The following USP5 variants were observed in gnomAD, a reference collection of about 807,000 sequenced individuals.
USP5 encodes the protein ubiquitin specific peptidase 5, also known as ubiquitin carboxyl-terminal hydrolase 5.
In USP5, 24 loss-of-function variants were observed where a neutral mutation model predicts 102.5. The observed-to-expected ratio is 0.23, with a 90% CI of 0.17 to 0.33. USP5 has a LOEUF of 0.33. USP5 is among the 10% of genes least tolerant of loss of function. The pLI is 1.00. For synonymous variants in USP5, 460 were observed against 434.8 expected (o/e 1.06, Z -0.72); for missense variants, 753 against 1,122.1 (o/e 0.67, Z 4.70).
chr12:6,864,617 A>G lies in USP5; in HGVS notation c.2245-105A>G. 7.7e-7 allele frequency: 1 copy of G among 1,295,126 alleles called. No individual in the cohort carries two copies. Among genetic ancestry groups the G allele is most frequent in the East Asian group, 2.4e-5 (1 of 41,210 alleles). The allele number at this position is 1,295,126 out of a possible 1,614,324, so 80.2% of individuals were successfully genotyped here. A position where few individuals can be genotyped will look rare whatever the true frequency, so the allele number is the denominator to read the frequency against. ...GGCAGGAGAAAGGCGTGAACCCGGG[A>G]GGCGGAGCTTGCAGTGAGCCGAGAT... On this transcript the variant is annotated intron_variant, in intron 17 of 19. Transcript: ENST00000229268. The surrounding 1 kb of genome is among the most constrained non-coding windows in gnomAD (Gnocchi z 4.8).
Position 6,864,332 on chromosome 12 carries a change from G to A in USP5, c.2244+137G>A. The A allele has an allele frequency of 4.7e-6, 6 of 1,277,268 alleles. No individual in the cohort carries two copies. Among genetic ancestry groups the A allele is most frequent in the South Asian group, 3.2e-5 (2 of 62,194 alleles). The allele number at this position is 1,277,268 out of a possible 1,614,324, so 79.1% of individuals were successfully genotyped here. On this transcript the variant is annotated intron_variant, in intron 17 of 19. Coordinates refer to ENST00000229268, the MANE Select transcript of USP5 (RefSeq NM_001098536.2). The surrounding 1 kb of genome is among the most constrained non-coding windows in gnomAD (Gnocchi z 4.8). The stretch of plus-strand genomic sequence containing the variant: ...TTGGGCACCACTCTTTTGTGGCTGC[G>A]ATGAAGGAGCTGAAGCCTGCGTTCA...
chr12:6,864,216 G>A lies in USP5; in HGVS notation c.2244+21G>A. Reference sequence around the variant, plus strand: ...CCACGGTATGGGCTGCCCCAGCTAAGGACATGGGGCCAGTGGGGAAGAAGG... The same window carrying A: ...CCACGGTATGGGCTGCCCCAGCTAAAGACATGGGGCCAGTGGGGAAGAAGG... On this transcript the variant is annotated intron_variant, in intron 17 of 19. Coordinates refer to ENST00000229268, the MANE Select transcript of USP5 (RefSeq NM_001098536.2). This position sits in a 1 kb window ranked among gnomAD's most constrained non-coding sequence, Gnocchi z 4.8. 6.3e-7 allele frequency: 1 copy of A among 1,577,034 alleles called. No individual in the cohort carries two copies. Among genetic ancestry groups the A allele is most frequent in the Non-Finnish European group, 8.6e-7 (1 of 1,160,524 alleles).
intron 14 of USP5, among the ~76,000 whole-genome samples, 164 bp downstream of exon 14, chr12:6,862,722 TAA>T (rs1944315664): frequency 6.6e-6 from 1 of 152,210 alleles, no homozygotes; most frequent in African/African-American, 2.4e-5. Context: ...CTAAAAATAT[TAA>T]AAGACTTCTT....
In USP5 at chr12:6,852,379, C is replaced by T. The variant is rs1943939176; in HGVS notation, c.111+89C>T. 6.0e-6 allele frequency: 8 copies of T among 1,323,536 alleles called. No individual in the cohort carries two copies. The South Asian group carries it at 1.0e-4, about 17-fold the overall frequency. The allele number at this position is 1,323,536 out of a possible 1,614,324, so 82.0% of individuals were successfully genotyped here. ...GGGGCCTGCAAGGCTTGGGCTACCG[C>T]CTCCCTGCGATGCACCATGGGACTT... On this transcript the variant is annotated intron_variant, in intron 1 of 19. Coordinates refer to ENST00000229268, the MANE Select transcript of USP5 (RefSeq NM_001098536.2).
chr12:6,861,568 G>A lies in USP5; in HGVS notation c.1624G>A (p.Val542Ile). Residue 542 changes from valine (V) to isoleucine (I), a missense_variant, in exon 13 of 20, where the codon GTC becomes ATC. By Grantham distance (29) the Val-to-Ile change is conservative. Coordinates refer to ENST00000229268, the MANE Select transcript of USP5 (RefSeq NM_001098536.2). This position sits in a 1 kb window ranked among gnomAD's most constrained non-coding sequence, Gnocchi z 4.9. The part of the protein sequence containing the change: ...CLEAYGAPEQ[V>I]DDFWSTALQA... ...GGAGGCCTACGGGGCCCCTGAGCAG[G>A]TCGATGACTTCTGGAGCACGGCCCT... The A allele has an allele frequency of 6.3e-7, 1 of 1,597,082 alleles. No homozygotes were observed. Among genetic ancestry groups the A allele is most frequent in the Non-Finnish European group, 8.6e-7 (1 of 1,167,382 alleles).
At position 6,860,044 on chromosome 12, in the gene USP5, A is replaced by T; in HGVS notation, c.1131-107A>T. The T allele has an allele frequency of 8.2e-7, 1 of 1,214,672 alleles. No individual in the cohort carries two copies. The highest frequency in any genetic ancestry group is 1.2e-6 in the Non-Finnish European group (1 of 846,310). The allele number at this position is 1,214,672 out of a possible 1,614,324, so 75.2% of individuals were successfully genotyped here. ...GTTCCTGTAGAATCTAAGGTTTTTC[A>T]CGTTGTTGAGAGTTAGCTAGGGAGA... On this transcript the variant is annotated intron_variant, in intron 9 of 19. Coordinates refer to ENST00000229268, the MANE Select transcript of USP5 (RefSeq NM_001098536.2). The surrounding 1 kb of genome is among the most constrained non-coding windows in gnomAD (Gnocchi z 5.5).
chr12:6,865,934 C>T (rs1245829393), intron 19 of USP5, 50 bp from the exon 20 acceptor site: 2 of 1,543,728 alleles, frequency 1.3e-6, no homozygotes, highest in African/African-American at 2.7e-5. Context: ...CATGATGCCA[C>T]TTTGAATGCC....
At position 6,864,864 on chromosome 12, in the gene USP5, A is replaced by T; in HGVS notation, c.2387A>T (p.Asp796Val). 6.2e-7 allele frequency: 1 copy of T among 1,613,536 alleles called. No homozygotes were observed. The highest frequency in any genetic ancestry group is 8.5e-7 in the Non-Finnish European group (1 of 1,179,956). Residue 796 changes from aspartate to valine, a missense_variant, in exon 18 of 20, where the codon GAT becomes GTT. By Grantham distance (152) the Asp-to-Val change is radical (BLOSUM62 -3). Coordinates refer to ENST00000229268, the MANE Select transcript of USP5 (RefSeq NM_001098536.2). The surrounding 1 kb of genome is among the most constrained non-coding windows in gnomAD (Gnocchi z 4.8). ...GTGCCAGTGGGACCTAAAGTCCGGGATGGTCCTGGAAGTGAGTATCCCCAG... is the reference window on the plus strand; with the variant it reads ...GTGCCAGTGGGACCTAAAGTCCGGGTTGGTCCTGGAAGTGAGTATCCCCAG... Reference protein sequence around the residue: ...ESVPVGPKVRDGPGKYQLFAF... With the variant: ...ESVPVGPKVRVGPGKYQLFAF...
intron 6 of USP5, 132 bp downstream of exon 6, chr12:6,857,023 T>C: frequency 2.4e-6 from 3 of 1,243,124 alleles, no homozygotes; most frequent in Non-Finnish European, 3.3e-6. Context: ...CGGTGGCTCA[T>C]GTTTGCAATC....
chr12:6,857,814 A>T, intron 7 of USP5, 91 bp downstream of exon 7: 1 of 1,293,082 alleles, frequency 7.7e-7, no homozygotes, highest in Non-Finnish European at 1.1e-6. Context: ...GTTTTGGAGA[A>T]ATCTTCTAGT....
Position 6,860,966 on chromosome 12 carries a change from G to A in USP5, c.1358G>A (p.Ser453Asn). The A allele has an allele frequency of 6.2e-7, 1 of 1,614,102 alleles. No homozygotes were observed. Among genetic ancestry groups the A allele is most frequent in the Non-Finnish European group, 8.5e-7 (1 of 1,180,002 alleles). ...TCTTTCCCATAGAGGAATTGCCGGA[G>A]CTCTGAAAATCCTAATGAAGTGTTC... ...LINMVERNCR[S>N]SENPNEVFRF... is the part of the protein sequence containing the mutation. The change falls in exon 12 of 20, where the codon AGC becomes AAC. Residue 453 changes from serine to asparagine, a missense_variant. By Grantham distance (46) the Ser-to-Asn change is conservative. Transcript: ENST00000229268. This position sits in a 1 kb window ranked among gnomAD's most constrained non-coding sequence, Gnocchi z 5.5.
Position 6,852,202 on chromosome 12 carries a change from C to T in USP5, c.23C>T (p.Ala8Val), listed in dbSNP as rs782811205. 2.5e-6 allele frequency: 4 copies of T among 1,612,376 alleles called. No homozygotes were observed. Among genetic ancestry groups the T allele is most frequent in the South Asian group, 2.2e-5 (2 of 90,478 alleles). MAELSEE[A>V]LLSVLPTIRV... ...GTCATGGCGGAGCTGAGTGAGGAGG[C>T]GCTGCTGTCAGTATTACCGACGATC... is the stretch of plus-strand genomic sequence containing the variant. Residue 8 changes from alanine to valine, a missense_variant, in exon 1 of 20, where the codon GCG becomes GTG. This residue lies in a region of USP5 where 527 missense variants were observed against 816.5 expected (regional missense o/e 0.65). Coordinates refer to ENST00000229268, the MANE Select transcript of USP5 (RefSeq NM_001098536.2).
Position 6,861,918 on chromosome 12 carries a change from A to G in USP5, c.1673+301A>G, listed in dbSNP as rs945586231. Among the ~76,000 whole-genome samples, 4 of 152,094 alleles carry G rather than the reference A, an allele frequency of 2.6e-5. No homozygotes were observed. The highest frequency in any genetic ancestry group is 6.6e-5 in the Admixed American group (1 of 15,262). ...TGGCTGAGCACAGGCACTTAGGATC[A>G]GCTGTGGGCAGAATTTGGATTTCCA... On this transcript the variant is annotated intron_variant, in intron 13 of 19. Coordinates refer to ENST00000229268, the MANE Select transcript of USP5 (RefSeq NM_001098536.2). This position sits in a 1 kb window ranked among gnomAD's most constrained non-coding sequence, Gnocchi z 4.9.
chr12:6,859,614 T>A, intron 9 of USP5, 73 bp downstream of exon 9: 4 of 1,425,550 alleles, frequency 2.8e-6, no homozygotes, highest in Non-Finnish European at 4.0e-6. Context: ...CCTGACCGCC[T>A]GGGGGGCACA....
chr12:6,856,811 A>G lies in USP5; in HGVS notation c.689A>G (p.Asn230Ser). 1.9e-6 allele frequency: 3 copies of G among 1,614,172 alleles called. No homozygotes were observed. The highest frequency in any genetic ancestry group is 2.5e-6 in the Non-Finnish European group (3 of 1,180,028). Residue 230 changes from asparagine to serine, a missense_variant, in exon 6 of 20, where the codon AAC (asparagine) becomes AGC (serine). Around this residue, in one of 3 missense-constraint regions of USP5, gnomAD observed 527 missense variants for 816.5 expected, o/e 0.65. Transcript: ENST00000229268. This position sits in a 1 kb window ranked among gnomAD's most constrained non-coding sequence, Gnocchi z 5.6. ...GRRYFDGSGGNNHAVEHYRET... is the reference protein window; with the variant it reads ...GRRYFDGSGGSNHAVEHYRET... ...CGCTACTTCGATGGCAGTGGGGGCA[A>G]CAACCACGCTGTGGAGCACTACCGA...
At chr12:6,853,113 C>T (rs942893735) in intron 1 of USP5, among the ~76,000 whole-genome samples, 25 of 152,346 alleles carry the variant, frequency 1.6e-4, no homozygotes, top group African/African-American at 6.0e-4. Context: ...TGCAGTTCTG[C>T]CTTCCCTATG....
chr12:6,866,144 G>A lies in USP5; in HGVS notation c.*67G>A. On this transcript the variant is annotated 3_prime_UTR_variant, in exon 20 of 20. Coordinates refer to ENST00000229268, the MANE Select transcript of USP5 (RefSeq NM_001098536.2). This position sits in a 1 kb window ranked among gnomAD's most constrained non-coding sequence, Gnocchi z 4.7. ...ACCTGGCATGAGGGAGAGGGGCTGA[G>A]GGATGGACTTCAGCCCCTCTGCTCT... 5 of 1,403,300 alleles carry A rather than the reference G, an allele frequency of 3.6e-6. No homozygotes were observed. The highest frequency in any genetic ancestry group is 5.0e-6 in the Non-Finnish European group (5 of 990,126). The allele number at this position is 1,403,300 out of a possible 1,614,324, so 86.9% of individuals were successfully genotyped here. A position where few individuals can be genotyped will look rare whatever the true frequency, so the allele number is the denominator to read the frequency against.
intron 1 of USP5, 28 bp downstream of exon 1, chr12:6,852,318 A>G (rs782735116): frequency 6.3e-7 from 1 of 1,585,174 alleles, no homozygotes; most frequent in Non-Finnish European, 8.6e-7. Context: ...GCCCGCAACG[A>G]GCACGACTTC....
Position 6,864,841 on chromosome 12 carries a change from G to C in USP5, c.2364G>C (p.Val788=). 6.2e-7 allele frequency: 1 copy of C among 1,613,888 alleles called. No individual in the cohort carries two copies. The highest frequency in any genetic ancestry group is 8.5e-7 in the Non-Finnish European group (1 of 1,180,026). ...RSAADSISES[V]PVGPKVRDGP... ...CTGCCGACTCCATCTCTGAGTCTGT[G>C]CCAGTGGGACCTAAAGTCCGGGATG... Residue 788 remains valine (V), a synonymous_variant, in exon 18 of 20, where the codon GTG becomes GTC. Transcript: ENST00000229268. This position sits in a 1 kb window ranked among gnomAD's most constrained non-coding sequence, Gnocchi z 4.8.
Sources: gnomAD v4.1 joint callset for allele counts (sites outside exome capture counted in the v4.1 genomes callset) on GRCh38, gnomAD v4.1.1 for gene constraint, gnomAD v4.1.1 regional missense constraint, Gnocchi (gnomAD v3.1) non-coding constraint, MANE v1.5 for transcripts, NCBI Gene and HGNC (gene_info 2026-07-23, HGNC 2026-07-21) for gene names.